Variants in IL16 observed in about 807,000 individuals in gnomAD.
IL16 encodes pro-interleukin-16.
A neutral mutation model predicts 110.1 loss-of-function variants in IL16; 67 were observed. The ratio of observed to expected loss-of-function variants is 0.61; its 90% CI spans 0.50 to 0.75. The LOEUF is 0.75. Ranked by LOEUF, IL16 falls within the 30% of genes least tolerant of loss-of-function variation. IL16 has a pLI of 0.00. For missense variants in IL16, 1,545 were observed against 1,655.0 expected (o/e 0.93, Z 1.15); for synonymous variants, 689 against 662.9 (o/e 1.04, Z -0.61).
rs530840380 is a variant in IL16 at position 81,291,571 on chromosome 15, A to T, written c.1421-985A>T. Among the ~76,000 whole-genome samples the T allele has an allele frequency of 5.9e-5, 9 of 152,260 alleles. No homozygotes were observed. The South Asian group carries it at 8.3e-4, about 14-fold the overall frequency. Reference sequence around the variant, plus strand: ...TCTCAGAATGAGCTGGAATTTGAGCAAGAGACTAGATTTCAATCCTCTCCC... The same window carrying T: ...TCTCAGAATGAGCTGGAATTTGAGCTAGAGACTAGATTTCAATCCTCTCCC... On this transcript the variant is annotated intron_variant, in intron 11 of 18. Coordinates refer to ENST00000683961, the MANE Select transcript of IL16 (RefSeq NM_172217.5).
intron 1 of IL16, among the ~76,000 whole-genome samples, chr15:81,218,854 ATCATAATATATTTAACAAAATCTCCCAT>A: frequency 6.6e-6 from 1 of 152,244 alleles, no homozygotes; most frequent in East Asian, 1.9e-4. Context: ...ATACAAATGT[ATCATAATATATTTAACAAAATCTCCCAT>A]TCATATACAT....
chr15:81,250,377 C>A (rs1481473602), intron 2 of IL16, among the ~76,000 whole-genome samples: 1 of 152,042 alleles, frequency 6.6e-6, no homozygotes, highest in Admixed American at 6.6e-5. Flanking sequence ...GGGGCTTCAC[C>A]GTGTTGGTCA....
intron 2 of IL16, 129 bp from the exon 3 acceptor site, chr15:81,259,643 G>A (rs879549414): frequency 1.6e-6 from 1 of 627,538 alleles, no homozygotes. Flanking sequence ...TGCTCTTATA[G>A]TACTTATCAT....
chr15:81,298,449 C>T (rs1900100565), intron 13 of IL16, among the ~76,000 whole-genome samples: 1 of 152,216 alleles, frequency 6.6e-6, no homozygotes, highest in Admixed American at 6.5e-5. Context: ...ATGCTGGCTT[C>T]TGAGAAAGAC....
intron 1 of IL16, among the ~76,000 whole-genome samples, chr15:81,183,613 G>T (rs1466259087): frequency 6.6e-6 from 1 of 152,234 alleles, no homozygotes; most frequent in East Asian, 1.9e-4. Flanking sequence ...TCCTTAAAAA[G>T]GAGAAGTAAG....
Position 81,239,800 on chromosome 15 carries a change from T to TTTGTTTG in IL16, c.312+14091_312+14092insGTTTGTT, listed in dbSNP as rs371767132. Among the ~76,000 whole-genome samples the TTTGTTTG allele has an allele frequency of 1.2e-3, 177 of 152,108 alleles. 1 individual carries two copies. The highest frequency in any genetic ancestry group is 4.0e-3 in the African/African-American group (165 of 41,396). On this transcript the variant is annotated intron_variant, in intron 2 of 18. Coordinates refer to ENST00000683961, the MANE Select transcript of IL16 (RefSeq NM_172217.5). The stretch of plus-strand genomic sequence containing the variant: ...GTTTGTTTGTTTGTTTGTTTGTTTG[T>TTTGTTTG]TTTTGGCTTTGCCTATTGGCAGTTC...
At chr15:81,230,952 G>T (rs1175706548) in intron 2 of IL16, among the ~76,000 whole-genome samples, 9 of 152,004 alleles carry the variant, frequency 5.9e-5, no homozygotes, top group African/African-American at 2.2e-4. Context: ...TGCAGAGGGA[G>T]ACAGTGGAGG....
intron 3 of IL16, among the ~76,000 whole-genome samples, chr15:81,263,834 G>A (rs1288958045): frequency 6.6e-6 from 1 of 152,198 alleles, no homozygotes; most frequent in Non-Finnish European, 1.5e-5. Context: ...AGAGAATGCA[G>A]GGAGACTGGG....
In IL16 at chr15:81,309,667, CAGA is replaced by C. The variant is rs1203322081; in HGVS notation, c.*870_*872del. 1 of 152,146 alleles carries C rather than the reference CAGA, an allele frequency of 6.6e-6. No individual in the cohort carries two copies. The highest frequency in any genetic ancestry group is 1.5e-5 in the Non-Finnish European group (1 of 68,030). The allele number at this position is 152,146 out of a possible 1,614,324, so 9.4% of individuals were successfully genotyped here. On this transcript the variant is annotated 3_prime_UTR_variant, in exon 19 of 19. Transcript: ENST00000683961. ...AGGGAAGGGTGGTGGAGCCAGTAAA[CAGA>C]GGAGTACAGGTGAAGCACCAAGCTC...
At chr15:81,279,039 A>C (rs1014879900) in intron 7 of IL16, 149 bp downstream of exon 7, 12 of 643,450 alleles carry the variant, frequency 1.9e-5, no homozygotes, top group Non-Finnish European at 2.8e-5. Context: ...GGTTAAAAGA[A>C]GACCTGACTC....
Position 81,278,857 on chromosome 15 carries a change from A to T in IL16, c.831A>T (p.Gly277=), listed in dbSNP as rs762605326. ...AGCTCAATGGTGAATCAATGGCTGG[A>T]CTAACACATCAGGATGCTTTGCAGA... The part of the protein sequence containing the change: ...ILELNGESMA[G]LTHQDALQKF... The change falls in exon 7 of 19, where the codon GGA becomes GGT. Residue 277 remains glycine, a synonymous_variant. Transcript: ENST00000683961. 15 of 1,613,358 alleles carry T rather than the reference A, an allele frequency of 9.3e-6. No individual in the cohort carries two copies. The African/African-American group carries it at 2.0e-4, about 22-fold the overall frequency.
intron 2 of IL16, among the ~76,000 whole-genome samples, chr15:81,257,419 T>C (rs756357767): frequency 1.3e-5 from 2 of 152,074 alleles, no homozygotes; most frequent in Non-Finnish European, 2.9e-5. Context: ...TAGGGAGAAA[T>C]GCATGTCAGA....
intron 2 of IL16, among the ~76,000 whole-genome samples, chr15:81,235,638 A>G (rs1185438793): frequency 7.2e-5 from 11 of 152,114 alleles, no homozygotes; most frequent in Admixed American, 7.2e-4. Context: ...CCATTTCTCA[A>G]TTTCTCTCCA....
chr15:81,248,603 T>G (rs1185495878), intron 2 of IL16, among the ~76,000 whole-genome samples: 2 of 150,672 alleles, frequency 1.3e-5, no homozygotes, highest in Non-Finnish European at 3.0e-5. Context: ...TATTCCATTT[T>G]CCCTGTTTTA....
chr15:81,268,529 G>A (rs1377911516), intron 4 of IL16, among the ~76,000 whole-genome samples: 1 of 152,256 alleles, frequency 6.6e-6, no homozygotes, highest in African/African-American at 2.4e-5. Flanking sequence ...GGTGGCATGG[G>A]GACAGCATGG....
Position 81,303,495 on chromosome 15 carries a change from AT to A in IL16, c.3319-52del. The stretch of plus-strand genomic sequence containing the variant: ...CAGTCTGATGTCAGTCCGATGTTAA[AT>A]TGTTCATCCTCTTGCAGTAAAATGT... On this transcript the variant is annotated intron_variant, in intron 15 of 18. Coordinates refer to ENST00000683961, the MANE Select transcript of IL16 (RefSeq NM_172217.5). This position sits in a 1 kb window ranked among gnomAD's most constrained non-coding sequence, Gnocchi z 4.1. 8.1e-7 allele frequency: 1 copy of A among 1,236,880 alleles called. No individual in the cohort carries two copies. Among genetic ancestry groups the A allele is most frequent in the Non-Finnish European group, 1.2e-6 (1 of 840,802 alleles). The allele number at this position is 1,236,880 out of a possible 1,614,324, so 76.6% of individuals were successfully genotyped here.
chr15:81,304,758 G>T (rs1900467889), intron 16 of IL16, among the ~76,000 whole-genome samples: 2 of 152,194 alleles, frequency 1.3e-5, no homozygotes. Context: ...CAGAGGAGAG[G>T]TTCTGCTTCA....
At chr15:81,273,652 C>A (rs1382681386) in intron 6 of IL16, among the ~76,000 whole-genome samples, 1 of 152,108 alleles carries the variant, frequency 6.6e-6, no homozygotes, top group Non-Finnish European at 1.5e-5. Context: ...TGCTTCCAAC[C>A]CTTGTAACGG....
At chr15:81,214,025 T>G (rs1196058525) in intron 1 of IL16, among the ~76,000 whole-genome samples, 2 of 58,254 alleles carry the variant, frequency 3.4e-5, no homozygotes, top group African/African-American at 3.5e-4. Flanking sequence ...GTGCATTTTG[T>G]TTTTTTTTTG....
Sources: gnomAD v4.1 joint callset for allele counts (sites outside exome capture counted in the v4.1 genomes callset) on GRCh38, gnomAD v4.1.1 for gene constraint, Gnocchi (gnomAD v3.1) non-coding constraint, MANE v1.5 for transcripts, NCBI Gene and HGNC (gene_info 2026-07-23, HGNC 2026-07-21) for gene names.